The following ZNF475 variants were observed in gnomAD, a reference collection of about 807,000 sequenced individuals.
ZNF475 encodes zinc finger protein 475.
At chr5:122,170,346 G>C in the ZNF475 span, among the ~76,000 whole-genome samples, 1 of 152,138 alleles carries the variant, frequency 6.6e-6, no homozygotes, top group African/African-American at 2.4e-5. Flanking sequence ...GGGACGCCAG[G>C]TTACTCACAC....
At chr5:122,182,293 C>G in the ZNF475 span, among the ~76,000 whole-genome samples, 2 of 152,092 alleles carry the variant, frequency 1.3e-5, no homozygotes, top group African/African-American at 2.4e-5. Flanking sequence ...GCGAGCAGCC[C>G]TTTCTTTTTT....
the ZNF475 span, among the ~76,000 whole-genome samples, chr5:122,177,402 A>G: frequency 6.6e-6 from 1 of 152,214 alleles, no homozygotes; most frequent in Non-Finnish European, 1.5e-5. Flanking sequence ...GCCTGGTGTT[A>G]TTGAGAAGAG....
the ZNF475 span, among the ~76,000 whole-genome samples, chr5:122,167,563 G>T: frequency 1.3e-5 from 2 of 152,232 alleles, no homozygotes; most frequent in African/African-American, 4.8e-5. Context: ...AACGTGTACT[G>T]CTGACTTTTA....
chr5:122,166,195 G>A, the ZNF475 span, among the ~76,000 whole-genome samples: 1 of 152,184 alleles, frequency 6.6e-6, no homozygotes, highest in African/African-American at 2.4e-5. Context: ...GACACAAGGG[G>A]AGCCTTTCAG....
chr5:122,165,491 C>T, the ZNF475 span, among the ~76,000 whole-genome samples: 1 of 152,096 alleles, frequency 6.6e-6, no homozygotes, highest in Non-Finnish European at 1.5e-5. Context: ...CATGTTGTGA[C>T]TTGTGTTATT....
At chr5:122,168,005 G>A in the ZNF475 span, among the ~76,000 whole-genome samples, 3 of 152,076 alleles carry the variant, frequency 2.0e-5, no homozygotes, top group Admixed American at 2.0e-4. Context: ...CAACTTTCTT[G>A]CTCTATTTAT....
chr5:122,181,142 G>T, the ZNF475 span, among the ~76,000 whole-genome samples: 1 of 152,236 alleles, frequency 6.6e-6, no homozygotes, highest in South Asian at 2.1e-4. Context: ...GCACTTCCCT[G>T]CAGTCTTCCT....
At chr5:122,182,653 T>C in the ZNF475 span, 5 of 1,532,920 alleles carry the variant, frequency 3.3e-6, 1 homozygote, top group Admixed American at 9.9e-5. Context: ...AGCCCTTTTC[T>C]CTCTACTGAA....
the ZNF475 span, chr5:122,163,412 A>G: frequency 6.6e-6 from 1 of 152,196 alleles, no homozygotes; most frequent in Non-Finnish European, 1.5e-5. Context: ...AGGATTTATA[A>G]AAGAGGTTTT....
the ZNF475 span, among the ~76,000 whole-genome samples, chr5:122,170,852 A>G: frequency 3.3e-5 from 5 of 152,092 alleles, no homozygotes; most frequent in Non-Finnish European, 7.4e-5. Context: ...AGCATACAAA[A>G]AGACATTCAT....
chr5:122,179,866 T>A, the ZNF475 span: 1 of 598,502 alleles, frequency 1.7e-6, no homozygotes, highest in Non-Finnish European at 2.7e-6. Context: ...TACAGACAAA[T>A]AAGAAAAACA....
the ZNF475 span, among the ~76,000 whole-genome samples, chr5:122,161,870 G>A: frequency 6.6e-6 from 1 of 150,774 alleles, no homozygotes; most frequent in African/African-American, 2.4e-5. Flanking sequence ...TTTCAGACAA[G>A]AATTTGGCAA....
At chr5:122,181,667 A>G in the ZNF475 span, among the ~76,000 whole-genome samples, 1 of 152,216 alleles carries the variant, frequency 6.6e-6, no homozygotes, top group South Asian at 2.1e-4. Context: ...ACTAAGTAAT[A>G]TGTTTTTGAG....
At chr5:122,181,065 G>A in the ZNF475 span, among the ~76,000 whole-genome samples, 1 of 152,054 alleles carries the variant, frequency 6.6e-6, no homozygotes, top group Non-Finnish European at 1.5e-5. Context: ...GGAATGATTG[G>A]TCTGAAAGCC....
chr5:122,164,673 G>C, the ZNF475 span, among the ~76,000 whole-genome samples: 1 of 152,234 alleles, frequency 6.6e-6, no homozygotes, highest in South Asian at 2.1e-4. Flanking sequence ...AGACACCTTG[G>C]AGCCAAACCT....
the ZNF475 span, among the ~76,000 whole-genome samples, chr5:122,178,141 G>A: frequency 6.6e-6 from 1 of 152,116 alleles, no homozygotes; most frequent in Non-Finnish European, 1.5e-5. Context: ...ATCCAGTAAA[G>A]CATTGGTGGG....
At chr5:122,181,579 G>C in the ZNF475 span, among the ~76,000 whole-genome samples, 1 of 152,170 alleles carries the variant, frequency 6.6e-6, no homozygotes, top group Non-Finnish European at 1.5e-5. Context: ...CACTGTGGTT[G>C]TGTGAACCAT....
At chr5:122,170,594 A>G in the ZNF475 span, among the ~76,000 whole-genome samples, 11 of 152,218 alleles carry the variant, frequency 7.2e-5, no homozygotes, top group Non-Finnish European at 1.6e-4. Flanking sequence ...CAGCACCTCA[A>G]TGGATTTGCC....
chr5:122,162,688 A>G, the ZNF475 span, among the ~76,000 whole-genome samples: 5 of 152,114 alleles, frequency 3.3e-5, no homozygotes, highest in Admixed American at 3.3e-4. Flanking sequence ...CACCTTCTGC[A>G]ACCTCCCTAC....
Sources: gnomAD v4.1 joint callset for allele counts (sites outside exome capture counted in the v4.1 genomes callset) on GRCh38, gnomAD v4.1.1 for gene constraint, MANE v1.5 for transcripts, NCBI Gene and HGNC (gene_info 2026-07-23, HGNC 2026-07-21) for gene names.